The following RUNX1 variants were observed in gnomAD, a reference collection of about 807,000 sequenced individuals.
RUNX1 encodes the protein RUNX family transcription factor 1, also known as runt-related transcription factor 1.
In RUNX1, 19 loss-of-function variants were observed where a neutral mutation model predicts 42.8. The ratio of observed to expected loss-of-function variants is 0.44; its 90% CI spans 0.31 to 0.65. RUNX1 has a LOEUF of 0.65. Ranked by LOEUF, RUNX1 falls within the 30% of genes least tolerant of loss-of-function variation. RUNX1 has a pLI of 0.07. For synonymous variants in RUNX1, 271 were observed against 289.4 expected, an observed-to-expected ratio of 0.94 and a Z score of 0.64; for missense variants, 528 against 672.0, an observed-to-expected ratio of 0.79 and a Z score of 2.37.
At chr21:34,878,637 C>G (rs761722979) in intron 5 of RUNX1, among the ~76,000 whole-genome samples, 1 of 152,012 alleles carries the variant, frequency 6.6e-6, no homozygotes, top group Non-Finnish European at 1.5e-5. Flanking sequence ...CATACTGGCA[C>G]GAATCCTGCA....
intron 2 of RUNX1, among the ~76,000 whole-genome samples, chr21:34,934,404 G>A (rs567689748): frequency 2.0e-5 from 3 of 152,206 alleles, no homozygotes; most frequent in Non-Finnish European, 4.4e-5. Flanking sequence ...CATGTTTGCT[G>A]AATGACAATG....
intron 6 of RUNX1, among the ~76,000 whole-genome samples, chr21:34,848,497 C>A (rs2057348734): frequency 1.3e-5 from 2 of 152,192 alleles, no homozygotes; most frequent in South Asian, 4.1e-4. Context: ...TGCAGTGGAG[C>A]AATCTCGGCT....
At chr21:34,838,620 T>C (rs1041387159) in intron 6 of RUNX1, among the ~76,000 whole-genome samples, 10 of 152,334 alleles carry the variant, frequency 6.6e-5, no homozygotes, top group Admixed American at 2.6e-4. Flanking sequence ...ACTACATGAA[T>C]CTGGATATAA....
intron 2 of RUNX1, among the ~76,000 whole-genome samples, chr21:35,048,147 C>T (rs1008985321): frequency 6.6e-6 from 1 of 152,230 alleles, no homozygotes; most frequent in African/African-American, 2.4e-5. Flanking sequence ...AGAGAGACCT[C>T]GGTATGCCAC....
At chr21:34,805,624 ATT>A (rs2056668761) in intron 7 of RUNX1, among the ~76,000 whole-genome samples, 1 of 152,258 alleles carries the variant, frequency 6.6e-6, no homozygotes, top group South Asian at 2.1e-4. Flanking sequence ...ATTCAGCAAA[ATT>A]ATCCTTCAAA....
chr21:34,957,567 C>G (rs1427963325), intron 2 of RUNX1, among the ~76,000 whole-genome samples: 2 of 152,178 alleles, frequency 1.3e-5, no homozygotes, highest in African/African-American at 4.8e-5. Flanking sequence ...TGGAGTTTGG[C>G]CTGGGCTTTT....
chr21:34,939,005 AT>A (rs1211037910), intron 2 of RUNX1, among the ~76,000 whole-genome samples: 4 of 152,148 alleles, frequency 2.6e-5, no homozygotes, highest in African/African-American at 9.7e-5. Flanking sequence ...CAAATTTCTT[AT>A]TTTAAATGTT....
intron 7 of RUNX1, among the ~76,000 whole-genome samples, chr21:34,824,408 G>T (rs1053399280): frequency 1.3e-5 from 2 of 152,150 alleles, no homozygotes; most frequent in African/African-American, 4.8e-5. Context: ...ACTGTGGTTG[G>T]TAACTGAATC....
intron 2 of RUNX1, among the ~76,000 whole-genome samples, chr21:34,973,131 A>G (rs1293652817): frequency 1.3e-5 from 2 of 152,186 alleles, no homozygotes; most frequent in Admixed American, 1.3e-4. Context: ...TGTCTCTTAG[A>G]GACTATCTCA....
chr21:34,990,790 C>T (rs2058931262), intron 2 of RUNX1, among the ~76,000 whole-genome samples: 3 of 152,090 alleles, frequency 2.0e-5, no homozygotes, highest in Admixed American at 2.0e-4. Context: ...CAGGGTTTAC[C>T]ATGTTGGCCA....
chr21:34,810,521 A>C (rs1402223664), intron 7 of RUNX1, among the ~76,000 whole-genome samples: 2 of 152,224 alleles, frequency 1.3e-5, no homozygotes, highest in East Asian at 1.9e-4. Context: ...CTGTCTCTCT[A>C]AAAGCCAAAA....
In RUNX1 at chr21:34,994,472, C is replaced by T. The variant is rs374553964; in HGVS notation, c.58+54370G>A. Among the ~76,000 whole-genome samples, 11 of 152,076 alleles carry T rather than the reference C, an allele frequency of 7.2e-5. No homozygotes were observed. The South Asian group carries it at 1.2e-3, about 17-fold the overall frequency. On this transcript the variant is annotated intron_variant, in intron 2 of 8. Coordinates refer to ENST00000675419, the MANE Select transcript of RUNX1 (RefSeq NM_001754.5). ...AGGATGGATACCCCATTTTCCATGA[C>T]GTGATTATTGTATATTGCATGCCTA...
intron 2 of RUNX1, among the ~76,000 whole-genome samples, chr21:34,975,788 G>C (rs1007436093): frequency 6.6e-6 from 1 of 152,244 alleles, no homozygotes; most frequent in Non-Finnish European, 1.5e-5. Flanking sequence ...GAGCAGTTGG[G>C]TGTGTAGCTC....
intron 2 of RUNX1, among the ~76,000 whole-genome samples, chr21:34,952,122 A>T (rs1460734374): frequency 6.6e-6 from 1 of 152,186 alleles, no homozygotes; most frequent in East Asian, 1.9e-4. Context: ...AAACTATCAC[A>T]AGGACAGAAA....
chr21:34,998,949 G>A (rs2059019534), intron 2 of RUNX1, among the ~76,000 whole-genome samples: 1 of 152,220 alleles, frequency 6.6e-6, no homozygotes, highest in Admixed American at 6.5e-5. Flanking sequence ...CATTCTCTTT[G>A]AAGGAGCCAG....
chr21:35,047,553 ACACACACACT>A (rs1273647810), intron 2 of RUNX1, among the ~76,000 whole-genome samples: 555 of 89,728 alleles, frequency 6.2e-3, no homozygotes, highest in African/African-American at 0.012. Context: ...ACACACACAC[ACACACACACT>A]CTCTCTCTCT....
chr21:35,041,622 C>G (rs1471701566), intron 2 of RUNX1, among the ~76,000 whole-genome samples: 1 of 151,102 alleles, frequency 6.6e-6, no homozygotes, highest in African/African-American at 2.4e-5. Flanking sequence ...TAACAACTTT[C>G]TTTTCATTCA....
chr21:34,834,342 T>C (rs761520555), intron 7 of RUNX1, 68 bp downstream of exon 7: 3 of 1,513,952 alleles, frequency 2.0e-6, no homozygotes, highest in Admixed American at 1.7e-5. Flanking sequence ...TGTGTGCACA[T>C]GGGGGCCAGT....
At chr21:34,856,594 C>G (rs753924538) in intron 6 of RUNX1, 15 of 374,310 alleles carry the variant, frequency 4.0e-5, no homozygotes, top group Non-Finnish European at 7.8e-5. Flanking sequence ...TCAACTATCT[C>G]TTTTAAAGCT....
Sources: allele counts gnomAD v4.1 joint callset (sites outside exome capture counted in the v4.1 genomes callset), GRCh38; gene constraint gnomAD v4.1.1; transcripts MANE v1.5; gene names NCBI Gene and HGNC (gene_info 2026-07-23, HGNC 2026-07-21).